The following FGGY variants were observed in gnomAD, a reference collection of about 807,000 sequenced individuals.
FGGY encodes FGGY carbohydrate kinase domain containing, also known as FGGY carbohydrate kinase domain-containing protein.
Under a neutral mutation model 71.3 loss-of-function variants are expected in FGGY, and 72 were observed. The observed-to-expected ratio is 1.01, with a 90% CI of 0.84 to 1.23. The LOEUF (loss-of-function observed/expected upper bound fraction) is 1.23, where lower values mean the gene tolerates loss of function less well. Among genes scored for constraint, FGGY ranks in the 50% most tolerant of loss-of-function variants. FGGY has a pLI of 0.00. For synonymous variants in FGGY, 251 were observed against 250.3 expected, an observed-to-expected ratio of 1.00 and a Z score of -0.02; for missense variants, 668 against 682.3, an observed-to-expected ratio of 0.98 and a Z score of 0.23.
chr1:59,445,772 A>C (rs1435414876), intron 5 of FGGY, among the ~76,000 whole-genome samples: 1 of 152,252 alleles, frequency 6.6e-6, no homozygotes, highest in Non-Finnish European at 1.5e-5. Context: ...AAAACACGAG[A>C]AATTAAATAC....
chr1:59,335,485 G>A (rs2049307113), intron 2 of FGGY, among the ~76,000 whole-genome samples: 2 of 152,044 alleles, frequency 1.3e-5, no homozygotes, highest in Non-Finnish European at 2.9e-5. Context: ...TTTTCAGCTT[G>A]GGAATATCAA....
At chr1:59,531,294 A>C (rs535992129) in intron 7 of FGGY, among the ~76,000 whole-genome samples, 1 of 152,350 alleles carries the variant, frequency 6.6e-6, no homozygotes, top group South Asian at 2.1e-4. Flanking sequence ...TTTATATGCC[A>C]AAATTTTCCT....
At chr1:59,449,779 A>G (rs956026742) in intron 5 of FGGY, among the ~76,000 whole-genome samples, 22 of 152,270 alleles carry the variant, frequency 1.4e-4, no homozygotes, top group African/African-American at 4.3e-4. Context: ...CCTCAGCAAC[A>G]TAGTGAGACC....
chr1:59,404,338 G>T (rs952660368), intron 5 of FGGY, among the ~76,000 whole-genome samples: 1 of 151,894 alleles, frequency 6.6e-6, no homozygotes, highest in African/African-American at 2.4e-5. Context: ...AACCTGCACG[G>T]CATGCACATG....
chr1:59,743,003 T>C (rs12144304), intron 14 of FGGY, among the ~76,000 whole-genome samples: 4,978 of 152,266 alleles, frequency 0.033, 112 homozygotes, highest in Non-Finnish European at 0.051. Context: ...CACTCTTGCT[T>C]AAAACTCTCC....
chr1:59,662,195 C>T (rs367842482), intron 12 of FGGY, among the ~76,000 whole-genome samples: 177 of 151,266 alleles, frequency 1.2e-3, no homozygotes, highest in African/African-American at 4.2e-3. Context: ...TGGCGGGCAC[C>T]TGTAGTCCCA....
At chr1:59,671,016 T>C (rs1022217825) in intron 13 of FGGY, among the ~76,000 whole-genome samples, 1 of 152,232 alleles carries the variant, frequency 6.6e-6, no homozygotes, top group African/African-American at 2.4e-5. Flanking sequence ...TCTTACTCAT[T>C]ATTTTAATTA....
chr1:59,561,043 G>A (rs139114478), intron 8 of FGGY, among the ~76,000 whole-genome samples: 7 of 152,274 alleles, frequency 4.6e-5, no homozygotes, highest in African/African-American at 1.7e-4. Context: ...CCTTTGGGAG[G>A]GCACCACAGG....
At chr1:59,473,271 G>A (rs573545884) in intron 6 of FGGY, among the ~76,000 whole-genome samples, 4 of 151,374 alleles carry the variant, frequency 2.6e-5, no homozygotes, top group East Asian at 3.9e-4. Context: ...CTCCAGACGC[G>A]CCGGCTTAAG....
At chr1:59,372,908 C>T (rs888401472) in intron 4 of FGGY, among the ~76,000 whole-genome samples, 1 of 152,056 alleles carries the variant, frequency 6.6e-6, no homozygotes, top group African/African-American at 2.4e-5. Flanking sequence ...TGGGACATAT[C>T]TCAAAATAAT....
chr1:59,531,629 A>G (rs1215639384), intron 7 of FGGY, among the ~76,000 whole-genome samples: 1 of 152,156 alleles, frequency 6.6e-6, no homozygotes, highest in Non-Finnish European at 1.5e-5. Flanking sequence ...TTTATAATAC[A>G]CTATGAGCAT....
chr1:59,367,854 G>C (rs188085102), intron 4 of FGGY, among the ~76,000 whole-genome samples: 1 of 152,142 alleles, frequency 6.6e-6, no homozygotes, highest in Non-Finnish European at 1.5e-5. Context: ...TGAGCTTTGA[G>C]TAGTAGCCTC....
chr1:59,536,546 A>G (rs1465551132), intron 7 of FGGY, among the ~76,000 whole-genome samples: 1 of 152,230 alleles, frequency 6.6e-6, no homozygotes, highest in Non-Finnish European at 1.5e-5. Flanking sequence ...TTTTAGACCA[A>G]TATCCTTGAT....
intron 14 of FGGY, among the ~76,000 whole-genome samples, chr1:59,738,762 A>G (rs2098124901): frequency 6.6e-6 from 1 of 152,254 alleles, no homozygotes; most frequent in African/African-American, 2.4e-5. Context: ...TTGGCCTTAT[A>G]TAATCCTCAC....
intron 6 of FGGY, among the ~76,000 whole-genome samples, chr1:59,493,513 G>C (rs2093943250): frequency 6.6e-6 from 1 of 152,122 alleles, no homozygotes; most frequent in South Asian, 2.1e-4. Context: ...AAGATACTAT[G>C]TTAAATGAAA....
rs575032062 is a variant in FGGY, at chr1:59,661,804, C to T, written c.1296+1511C>T. On this transcript the variant is annotated intron_variant, in intron 12 of 15. Transcript: ENST00000303721. ...GAGCGATCTTGGCTCACTGCAAGCT[C>T]CACCTCCTGGGTTCAAGCGATTCTT... is the stretch of plus-strand genomic sequence containing the variant. 7.9e-5 allele frequency among the ~76,000 whole-genome samples: 12 copies of T among 151,690 alleles called. No homozygotes were observed. The East Asian group carries it at 2.0e-3, about 25-fold the overall frequency.
intron 11 of FGGY, among the ~76,000 whole-genome samples, chr1:59,647,796 G>C (rs943993266): frequency 3.9e-5 from 4 of 101,500 alleles, no homozygotes; most frequent in African/African-American, 1.2e-4. Flanking sequence ...TGTGCACATT[G>C]TGCAGGTTAG....
chr1:59,472,847 TA>T (rs2093036576), intron 6 of FGGY, among the ~76,000 whole-genome samples: 1 of 151,998 alleles, frequency 6.6e-6, no homozygotes, highest in African/African-American at 2.4e-5. Context: ...TGAAGGTTTG[TA>T]AACACACCAA....
intron 11 of FGGY, among the ~76,000 whole-genome samples, chr1:59,651,644 A>G (rs1280291672): frequency 6.6e-6 from 1 of 150,618 alleles, no homozygotes; most frequent in East Asian, 1.9e-4. Context: ...GCCTATGTGT[A>G]TCTCTGCACG....
Sources: gnomAD v4.1 joint callset for allele counts (sites outside exome capture counted in the v4.1 genomes callset) on GRCh38, gnomAD v4.1.1 for gene constraint, MANE v1.5 for transcripts, NCBI Gene and HGNC (gene_info 2026-07-23, HGNC 2026-07-21) for gene names.